Variants in UBR3 observed in about 807,000 individuals in gnomAD.
The protein encoded by UBR3 is ubiquitin protein ligase E3 component n-recognin 3.
In UBR3, 85 loss-of-function variants were observed where a neutral mutation model predicts 243.2. The observed-to-expected ratio is 0.35, with a 90% confidence interval of 0.29 to 0.42. The LOEUF is 0.42. UBR3 is among the 10% of genes least tolerant of loss of function. UBR3 has a pLI of 1.00. For synonymous variants in UBR3, 748 were observed against 799.8 expected, an observed-to-expected ratio of 0.94 and a Z score of 1.09; for missense variants, 1,686 against 2,300.8, an observed-to-expected ratio of 0.73 and a Z score of 5.47.
rs896675204 is a variant in UBR3, at chr2:169,926,602, C to CA, written c.2152-84dup. Reference sequence around the variant, plus strand: ...TGTCTCAAAAACAAAAAACAAAAAACAAAAAACAAAAAAAAGTATAGAAAA... The same window carrying CA: ...TGTCTCAAAAACAAAAAACAAAAAACAAAAAAACAAAAAAAAGTATAGAAAA... On this transcript the variant is annotated intron_variant, in intron 14 of 38. Transcript: ENST00000272793. The CA allele has an allele frequency of 2.9e-6, 4 of 1,373,700 alleles. No homozygotes were observed. The Admixed American group carries it at 1.1e-4, about 37-fold the overall frequency. 85.1% of individuals were successfully genotyped at this position (1,373,700 alleles called of 1,614,324 possible).
chr2:169,975,318 A>T (rs6433160), intron 24 of UBR3, among the ~76,000 whole-genome samples: 114,621 of 152,184 alleles, frequency 0.75, 44,190 homozygotes, highest in East Asian at 0.88. Flanking sequence ...TCAGAAAATA[A>T]ACTTGATCTG....
At chr2:169,988,836 T>C (rs920447554) in intron 25 of UBR3, among the ~76,000 whole-genome samples, 1 of 151,986 alleles carries the variant, frequency 6.6e-6, no homozygotes, top group African/African-American at 2.4e-5. Context: ...CATTAAAGAG[T>C]ATTAAAACTC....
rs1284972700 is a variant in UBR3, at chr2:169,844,053, C to G, written c.545+16001C>G. Among the ~76,000 whole-genome samples the G allele has an allele frequency of 2.8e-5, 4 of 144,370 alleles. No homozygotes were observed. In the East Asian group the frequency reaches 6.1e-4, roughly 22 times the overall value. The allele number at this position is 144,370 out of a possible 152,430, so 94.7% of individuals were successfully genotyped here. ...CTGAGTTTCGCTCTTTTTGCCCAGG[C>G]TGGAGTGCAATGGCGCGACCTCGGC... On this transcript the variant is annotated intron_variant, in intron 1 of 38. Transcript: ENST00000272793.
intron 6 of UBR3, among the ~76,000 whole-genome samples, chr2:169,892,051 CTT>C (rs2105325263): frequency 6.6e-6 from 1 of 152,246 alleles, no homozygotes; most frequent in East Asian, 1.9e-4. Context: ...TTAAGTGTAT[CTT>C]GTGAAATATC....
chr2:169,973,907 A>T (rs1000042077), intron 24 of UBR3, among the ~76,000 whole-genome samples: 10 of 152,094 alleles, frequency 6.6e-5, no homozygotes, highest in African/African-American at 2.2e-4. Flanking sequence ...TCATGAAGGG[A>T]TGTTGAATTT....
chr2:170,029,309 G>A, intron 30 of UBR3, 37 bp from the exon 31 acceptor site: 1 of 1,533,946 alleles, frequency 6.5e-7, no homozygotes, highest in Non-Finnish European at 8.9e-7. Context: ...TAACAAATGT[G>A]TGAACTTTCT....
At chr2:169,844,007 CTTTT>C (rs11421686) in intron 1 of UBR3, among the ~76,000 whole-genome samples, 2 of 134,084 alleles carry the variant, frequency 1.5e-5, no homozygotes, top group Admixed American at 1.6e-4. Flanking sequence ...TTTCTCTTTA[CTTTT>C]TTTTTTTTTT....
chr2:170,003,684 A>G (rs2105401885), intron 27 of UBR3, among the ~76,000 whole-genome samples: 1 of 151,382 alleles, frequency 6.6e-6, no homozygotes, highest in East Asian at 1.9e-4. Context: ...CTCTGTGCCC[A>G]GGCTGGAGTG....
At chr2:169,907,013 T>TCTTA (rs1251748581) in intron 10 of UBR3, among the ~76,000 whole-genome samples, 1 of 151,012 alleles carries the variant, frequency 6.6e-6, no homozygotes, top group Non-Finnish European at 1.5e-5. Flanking sequence ...CTTGTTACAA[T>TCTTA]CTTACTAGGT....
At chr2:169,968,387 T>C (rs2087926218) in intron 24 of UBR3, among the ~76,000 whole-genome samples, 1 of 152,216 alleles carries the variant, frequency 6.6e-6, no homozygotes, top group African/African-American at 2.4e-5. Context: ...ACCATCATTT[T>C]GCTGTCTACT....
At chr2:170,060,840 A>T (rs2091442588) in intron 33 of UBR3, among the ~76,000 whole-genome samples, 1 of 152,164 alleles carries the variant, frequency 6.6e-6, no homozygotes, top group Non-Finnish European at 1.5e-5. Flanking sequence ...GTTTATTTAC[A>T]TATAATTATG....
At chr2:170,017,528 C>G (rs1471047985) in intron 30 of UBR3, among the ~76,000 whole-genome samples, 3 of 15,188 alleles carry the variant, frequency 2.0e-4, no homozygotes, top group South Asian at 3.9e-3. Context: ...TACGGACACA[C>G]ACACACACAC....
intron 31 of UBR3, among the ~76,000 whole-genome samples, chr2:170,040,467 G>C (rs2090939669): frequency 6.6e-6 from 1 of 152,136 alleles, no homozygotes; most frequent in East Asian, 1.9e-4. Context: ...TGGGAACTCT[G>C]CCTATCTCTT....
chr2:170,062,209 A>G (rs1043301057), intron 35 of UBR3, among the ~76,000 whole-genome samples: 9 of 152,206 alleles, frequency 5.9e-5, no homozygotes, highest in African/African-American at 1.7e-4. Context: ...CTGTGGATTG[A>G]TATGAGTGGG....
chr2:169,936,862 T>C (rs1048523282), intron 19 of UBR3, among the ~76,000 whole-genome samples: 7 of 152,242 alleles, frequency 4.6e-5, no homozygotes, highest in Non-Finnish European at 8.8e-5. Flanking sequence ...CATCCTTTTT[T>C]ATGGCTGCAT....
chr2:169,945,405 C>T (rs963753864), intron 20 of UBR3, among the ~76,000 whole-genome samples: 1 of 152,148 alleles, frequency 6.6e-6, no homozygotes, highest in Non-Finnish European at 1.5e-5. Context: ...GAAAGTCTCT[C>T]TATTCTTTAA....
At position 169,959,383 on chromosome 2, in the gene UBR3, T is replaced by A. The variant is rs1020746532; in HGVS notation, c.3634+857T>A. Reference sequence around the variant, plus strand: ...TCTGAAAATCTGAAAATCTGAAATCTAAAATGTACCAAAATTCAAAACTTT... The same window carrying A: ...TCTGAAAATCTGAAAATCTGAAATCAAAAATGTACCAAAATTCAAAACTTT... On this transcript the variant is annotated intron_variant, in intron 24 of 38. Transcript: ENST00000272793. 4.1e-4 allele frequency among the ~76,000 whole-genome samples: 62 copies of A among 151,908 alleles called. 1 individual carries two copies. Among genetic ancestry groups the A allele is most frequent in the Admixed American group, 3.5e-3 (53 of 15,232 alleles).
chr2:170,046,606 T>C lies in UBR3; in HGVS notation c.4660+5621T>C, dbSNP rs116198616. Among the ~76,000 whole-genome samples, 1,187 of 152,340 alleles carry C rather than the reference T, an allele frequency of 7.8e-3. 13 individuals are homozygous for C. Among genetic ancestry groups the C allele is most frequent in the African/African-American group, 0.026 (1,073 of 41,574 alleles). ...TGTTAAATACTTTTTTATCAGGAGA[T>C]ATAATTTCCAGTTGTTCCTCTTTAT... On this transcript the variant is annotated intron_variant, in intron 32 of 38. Transcript: ENST00000272793.
chr2:169,993,453 A>G (rs2089364145), intron 25 of UBR3, among the ~76,000 whole-genome samples: 1 of 152,188 alleles, frequency 6.6e-6, no homozygotes, highest in African/African-American at 2.4e-5. Flanking sequence ...AGTCTCCTGT[A>G]ATTTAGAACA....
Sources: allele counts gnomAD v4.1 joint callset (sites outside exome capture counted in the v4.1 genomes callset), GRCh38; gene constraint gnomAD v4.1.1; transcripts MANE v1.5; gene names NCBI Gene and HGNC (gene_info 2026-07-23, HGNC 2026-07-21).